DZIP1: variants seen among roughly 807,000 people sequenced by gnomAD.
DZIP1 encodes DAZ interacting zinc finger protein 1.
Under a neutral mutation model 107.6 loss-of-function variants are expected in DZIP1, and 97 were observed. That is an observed-to-expected ratio of 0.90 (90% CI 0.77 to 1.07). The LOEUF (loss-of-function observed/expected upper bound fraction) is 1.07, where lower values mean the gene tolerates loss of function less well. Ranked by LOEUF, DZIP1 falls within the 50% of genes least tolerant of loss-of-function variation. The pLI is 0.00. For synonymous variants in DZIP1, 390 were observed against 386.4 expected (o/e 1.01, Z -0.11); for missense variants, 1,035 against 1,063.6 (o/e 0.97, Z 0.37).
At chr13:95,623,658 T>C (rs1876178534) in intron 8 of DZIP1, among the ~76,000 whole-genome samples, 1 of 152,220 alleles carries the variant, frequency 6.6e-6, no homozygotes, top group Non-Finnish European at 1.5e-5. Context: ...ATTTAAAAAC[T>C]GGCTGGGCAC....
chr13:95,639,397 C>A (rs983451476), intron 5 of DZIP1, among the ~76,000 whole-genome samples: 3 of 151,992 alleles, frequency 2.0e-5, no homozygotes, highest in Non-Finnish European at 2.9e-5. Flanking sequence ...TTGAGACCAG[C>A]CTGGCCAACA....
At chr13:95,589,766 A>G (rs1180091516) in intron 18 of DZIP1, 37 bp downstream of exon 18, 1 of 1,599,732 alleles carries the variant, frequency 6.3e-7, no homozygotes, top group African/African-American at 1.3e-5. Context: ...GCTAAGACAA[A>G]CACTGATAAA....
At chr13:95,589,684 G>T in intron 18 of DZIP1, 119 bp downstream of exon 18, 1 of 1,348,432 alleles carries the variant, frequency 7.4e-7, no homozygotes, top group Non-Finnish European at 1.0e-6. Context: ...TGGACTTTCA[G>T]CCTCCAAAAT....
At chr13:95,607,205 C>T (rs1459180046) in intron 13 of DZIP1, among the ~76,000 whole-genome samples, 1 of 152,112 alleles carries the variant, frequency 6.6e-6, no homozygotes, top group Non-Finnish European at 1.5e-5. Context: ...CGGCACCATG[C>T]TCAGCTAATT....
intron 16 of DZIP1, among the ~76,000 whole-genome samples, chr13:95,591,908 A>C (rs2044321443): frequency 6.6e-6 from 1 of 152,228 alleles, no homozygotes; most frequent in South Asian, 2.1e-4. Flanking sequence ...TTGAAATAAG[A>C]CTAATGAAGA....
At position 95,627,931 on chromosome 13, in the gene DZIP1, C is replaced by T. The variant is rs1328438326; in HGVS notation, c.810+2058G>A. ...GGATAAACAAATTGTCTATGCATAC[C>T]TACATACAATGGAATATTAGCAAGA... On this transcript the variant is annotated intron_variant, in intron 7 of 22. Coordinates refer to ENST00000376829, the MANE Select transcript of DZIP1 (RefSeq NM_198968.4). 2.6e-5 allele frequency among the ~76,000 whole-genome samples: 4 copies of T among 152,092 alleles called. No individual in the cohort carries two copies. The East Asian group carries it at 7.7e-4, about 29-fold the overall frequency.
Position 95,635,561 on chromosome 13 carries a change from G to A in DZIP1, c.598-2240C>T, listed in dbSNP as rs181001028. On this transcript the variant is annotated intron_variant, in intron 5 of 22. Transcript: ENST00000376829. ...CCCTAAAGCATCTCTTCAACCTCCC[G>A]GGCTCATGACAGCTTTGGTTCACCT... Among the ~76,000 whole-genome samples the A allele has an allele frequency of 6.6e-5, 10 of 151,998 alleles. No homozygotes were observed. The East Asian group carries it at 9.7e-4, about 15-fold the overall frequency.
chr13:95,641,370 C>T lies in DZIP1; in HGVS notation c.522G>A (p.Lys174=), dbSNP rs765097679. The change falls in exon 5 of 23, where the codon AAG becomes AAA. Residue 174 remains lysine (K), a synonymous_variant. Coordinates refer to ENST00000376829, the MANE Select transcript of DZIP1 (RefSeq NM_198968.4). This position sits in a 1 kb window ranked among gnomAD's most constrained non-coding sequence, Gnocchi z 4.3. Reference sequence around the variant, plus strand: ...TCTTCTTCCGGCGTTTGCACTCTTCCTTGAGCGTCTTGATCTCCCCCGCCT... The same window carrying T: ...TCTTCTTCCGGCGTTTGCACTCTTCTTTGAGCGTCTTGATCTCCCCCGCCT... ...TKQAGEIKTL[K]EECKRRKKMI... The T allele has an allele frequency of 5.0e-6, 8 of 1,614,144 alleles. No homozygotes were observed. The Admixed American group carries it at 1.3e-4, about 27-fold the overall frequency.
intron 10 of DZIP1, among the ~76,000 whole-genome samples, chr13:95,618,818 A>G (rs376551639): frequency 1.2e-3 from 183 of 152,362 alleles, no homozygotes; most frequent in Middle Eastern, 3.4e-3. Flanking sequence ...TTTTCCATTC[A>G]GAAAAGATTT....
At position 95,643,651 on chromosome 13, in the gene DZIP1, G is replaced by A. The variant is rs1878782347; in HGVS notation, c.-478C>T. ...CCATCCACTGGGCTGCAGGATCAGC[G>A]GGAACAAGAGCTGTGGTCTCTCTTG... On this transcript the variant is annotated 5_prime_UTR_variant, in exon 2 of 23. Transcript: ENST00000376829. 6.6e-6 allele frequency: 1 copy of A among 152,634 alleles called. No homozygotes were observed. The highest frequency in any genetic ancestry group is 2.4e-5 in the African/African-American group (1 of 41,432). The allele number at this position is 152,634 out of a possible 1,614,324, so 9.5% of individuals were successfully genotyped here.
intron 22 of DZIP1, among the ~76,000 whole-genome samples, chr13:95,583,262 TA>T (rs11295025): frequency 0.29 from 41,750 of 142,210 alleles, 6,340 homozygotes; most frequent in Non-Finnish European, 0.36. Flanking sequence ...CCCCATCTCT[TA>T]AAAAAAAAAA....
chr13:95,610,055 AGTGTGTGTGTGTGTGT>A (rs58398816), intron 12 of DZIP1, among the ~76,000 whole-genome samples: 29,877 of 109,378 alleles, frequency 0.27, 3,790 homozygotes, highest in Admixed American at 0.4. Flanking sequence ...TGACTGGTTT[AGTGTGTGTGTGTGTGT>A]GTGTGTGTGT....
intron 7 of DZIP1, 43 bp from the exon 8 acceptor site, chr13:95,624,972 A>G: frequency 6.7e-7 from 1 of 1,502,608 alleles, no homozygotes; most frequent in Non-Finnish European, 9.0e-7. Context: ...TCTGGTCTGA[A>G]GAAAATAAGC....
chr13:95,641,779 G>A lies in DZIP1; in HGVS notation c.113C>T (p.Ala38Val). The A allele has an allele frequency of 6.6e-7, 1 of 1,519,300 alleles. No individual in the cohort carries two copies. Among genetic ancestry groups the A allele is most frequent in the South Asian group, 1.3e-5 (1 of 78,644 alleles). The allele number at this position is 1,519,300 out of a possible 1,614,324, so 94.1% of individuals were successfully genotyped here. The change falls in exon 5 of 23, where the codon GCG becomes GTG. Residue 38 changes from alanine (A) to valine (V), a missense_variant. Physicochemically the swap from Ala to Val is moderately conservative, Grantham distance 64. Coordinates refer to ENST00000376829, the MANE Select transcript of DZIP1 (RefSeq NM_198968.4). This position sits in a 1 kb window ranked among gnomAD's most constrained non-coding sequence, Gnocchi z 4.3. ...CGCACAGGCCATGGAGGCCGCACCC[G>A]CGGCGGCGGCGGCCACAGCGACGTC... is the stretch of plus-strand genomic sequence containing the variant. ...GPDVAVAAAA[A>V]GAASMACAPP...
intron 7 of DZIP1, among the ~76,000 whole-genome samples, chr13:95,628,268 C>T (rs1215616951): frequency 1.3e-5 from 2 of 152,130 alleles, no homozygotes; most frequent in African/African-American, 2.4e-5. Context: ...GTCTTGAACT[C>T]CTGGGCTCGA....
intron 9 of DZIP1, among the ~76,000 whole-genome samples, chr13:95,620,317 C>A (rs1236441028): frequency 6.6e-6 from 1 of 152,166 alleles, no homozygotes; most frequent in Admixed American, 6.5e-5. Context: ...TGAGGCCTCT[C>A]CAGCCATGCC....
At chr13:95,622,547 T>C in intron 8 of DZIP1, 67 bp from the exon 9 acceptor site, 1 of 1,584,542 alleles carries the variant, frequency 6.3e-7, no homozygotes, top group Non-Finnish European at 8.6e-7. Context: ...GAGAATAAAA[T>C]CAGGGAGCAC....
intron 8 of DZIP1, 146 bp downstream of exon 8, chr13:95,624,622 C>T: frequency 1.3e-6 from 1 of 759,752 alleles, no homozygotes; most frequent in Non-Finnish European, 2.2e-6. Flanking sequence ...TCTGTCTCCT[C>T]TATGCCTCCC....
At chr13:95,606,846 A>C (rs1025975430) in intron 13 of DZIP1, among the ~76,000 whole-genome samples, 2 of 152,224 alleles carry the variant, frequency 1.3e-5, no homozygotes, top group African/African-American at 4.8e-5. Context: ...TTAAATTTCT[A>C]CAGAAAATTA....
Sources: gnomAD v4.1 joint callset for allele counts (sites outside exome capture counted in the v4.1 genomes callset) on GRCh38, gnomAD v4.1.1 for gene constraint, Gnocchi (gnomAD v3.1) non-coding constraint, MANE v1.5 for transcripts, NCBI Gene and HGNC (gene_info 2026-07-23, HGNC 2026-07-21) for gene names.